The following SSPN variants were observed in gnomAD, a reference collection of about 807,000 sequenced individuals.
SSPN encodes the protein sarcospan, also known as K-ras oncogene-associated protein.
Under a neutral mutation model 19.1 loss-of-function variants are expected in SSPN, and 15 were observed. That is an observed-to-expected ratio of 0.78 (90% confidence interval 0.52 to 1.21). SSPN has a LOEUF of 1.21. Ranked by LOEUF, SSPN falls within the 50% of genes most tolerant of loss-of-function variation. SSPN has a pLI of 0.00. For missense variants in SSPN, 291 were observed against 314.0 expected (o/e 0.93, Z 0.55); for synonymous variants, 147 against 140.3 (o/e 1.05, Z -0.34).
At chr12:26,132,728 T>C (rs1944403689) in intron 1 of SSPN, among the ~76,000 whole-genome samples, 1 of 152,246 alleles carries the variant, frequency 6.6e-6, no homozygotes, top group African/African-American at 2.4e-5. Flanking sequence ...TGTTCGGCTC[T>C]CCACCCTCCC....
chr12:26,170,927 T>C (rs1944650255), intron 1 of SSPN, among the ~76,000 whole-genome samples: 1 of 152,222 alleles, frequency 6.6e-6, no homozygotes, highest in Non-Finnish European at 1.5e-5. Context: ...AATTATCACA[T>C]TTCACCATCA....
intron 1 of SSPN, among the ~76,000 whole-genome samples, chr12:26,141,331 G>A (rs1345680780): frequency 2.6e-5 from 4 of 152,260 alleles, no homozygotes; most frequent in East Asian, 3.9e-4. Context: ...ACGGGAAAAC[G>A]TAAGGAAATG....
chr12:26,212,725 A>G (rs139163808), intron 1 of SSPN, among the ~76,000 whole-genome samples: 3 of 152,300 alleles, frequency 2.0e-5, no homozygotes, highest in Admixed American at 1.3e-4. Context: ...AAAATCTTCC[A>G]GATATATCAT....
In SSPN at chr12:26,141,391, G is replaced by C. The variant is rs1357151120; in HGVS notation, c.-31+19239G>C. Among the ~76,000 whole-genome samples, 3 of 152,144 alleles carry C rather than the reference G, an allele frequency of 2.0e-5. No individual in the cohort carries two copies. The East Asian group carries it at 5.8e-4, about 29-fold the overall frequency. On this transcript the variant is annotated intron_variant, in intron 1 of 2. Transcript: ENST00000538142. ...AGGAGTGCTCCCTTGCAAACATCTT[G>C]AGTTTAGCCCAATGAGAACCATGAA...
chr12:26,211,484 A>G (rs1025840057), intron 1 of SSPN: 1 of 152,184 alleles, frequency 6.6e-6, no homozygotes, highest in African/African-American at 2.4e-5. Context: ...GAACTTTTGA[A>G]TTGTAGTCAC....
chr12:26,212,734 A>G (rs1945003366), intron 1 of SSPN, among the ~76,000 whole-genome samples: 1 of 152,198 alleles, frequency 6.6e-6, no homozygotes, highest in Non-Finnish European at 1.5e-5. Context: ...CAGATATATC[A>G]TAGGCCAAAT....
At chr12:26,201,226 A>G (rs888680135) in intron 1 of SSPN, among the ~76,000 whole-genome samples, 1 of 150,848 alleles carries the variant, frequency 6.6e-6, no homozygotes, top group Non-Finnish European at 1.5e-5. Flanking sequence ...AAAATACAAA[A>G]ATTTAGCTGG....
At chr12:26,186,941 C>G (rs1252741938) in intron 1 of SSPN, among the ~76,000 whole-genome samples, 2 of 152,202 alleles carry the variant, frequency 1.3e-5, no homozygotes, top group Non-Finnish European at 2.9e-5. Flanking sequence ...TTTCTTCCCC[C>G]TTCCCCACTC....
intron 1 of SSPN, among the ~76,000 whole-genome samples, chr12:26,174,591 G>T (rs1221272100): frequency 6.6e-6 from 1 of 151,074 alleles, no homozygotes; most frequent in African/African-American, 2.4e-5. Flanking sequence ...CAAAATCCCA[G>T]CTCGCTGCAA....
intron 1 of SSPN, chr12:26,211,293 T>C (rs1944983585): frequency 6.6e-6 from 1 of 152,188 alleles, no homozygotes; most frequent in African/African-American, 2.4e-5. Flanking sequence ...ATTTGTGTTA[T>C]AATATGAAAA....
intron 1 of SSPN, chr12:26,123,003 G>T: frequency 1.9e-6 from 3 of 1,568,018 alleles, no homozygotes; most frequent in Non-Finnish European, 2.6e-6. Context: ...CAAGAACTGG[G>T]TGGCCACGGC....
chr12:26,195,371 T>C (rs58747679), upstream of SSPN: 84,882 of 325,998 alleles, frequency 0.26, 12,094 homozygotes, highest in South Asian at 0.36. Flanking sequence ...CTGTCTGAAG[T>C]GCAGAGGTTC....
chr12:26,122,635 C>A, intron 1 of SSPN: 8 of 1,282,036 alleles, frequency 6.2e-6, no homozygotes, highest in Non-Finnish European at 7.9e-6. Context: ...GCGCCGCCCC[C>A]CGGGCCGCCG....
rs1346874584 is a variant in SSPN at position 26,234,195 on chromosome 12, G to C, written c.*3119G>C. 6.6e-6 allele frequency: 1 copy of C among 152,116 alleles called. No individual in the cohort carries two copies. The highest frequency in any genetic ancestry group is 2.4e-5 in the African/African-American group (1 of 41,418). The allele number at this position is 152,116 out of a possible 1,614,324, so 9.4% of individuals were successfully genotyped here. On this transcript the variant is annotated 3_prime_UTR_variant, in exon 3 of 3. Coordinates refer to ENST00000242729, the MANE Select transcript of SSPN (RefSeq NM_005086.5). ...TCCCTTTTTGCATGCAGTATGTCTG[G>C]AATATGTTTATAAAATTTTAGCAAG...
chr12:26,122,041 C>T lies in SSPN; in HGVS notation c.-142C>T, dbSNP rs1442507549. The T allele has an allele frequency of 8.4e-6, 13 of 1,548,816 alleles. No individual in the cohort carries two copies. The South Asian group carries it at 1.4e-4, about 17-fold the overall frequency. ...ATTTTAACTTCTCACTCTGCTTGAA[C>T]CTCCGTCCTTCGGGACGCAAGGATT... On this transcript the variant is annotated 5_prime_UTR_variant, in exon 1 of 3. Coordinates refer to the SSPN transcript ENST00000538142.
Position 26,231,629 on chromosome 12 carries a change from G to C in SSPN, c.*553G>C, listed in dbSNP as rs1229630020. Reference sequence around the variant, plus strand: ...TAAAGAGCAGAGTAGAAACGGAAGAGGCTTTGCAAAAGGCTAGATAACTAA... The same window carrying C: ...TAAAGAGCAGAGTAGAAACGGAAGACGCTTTGCAAAAGGCTAGATAACTAA... On this transcript the variant is annotated 3_prime_UTR_variant, in exon 3 of 3. Transcript: ENST00000242729. 1.3e-5 allele frequency: 2 copies of C among 152,572 alleles called. No individual in the cohort carries two copies. Among genetic ancestry groups the C allele is most frequent in the Non-Finnish European group, 2.9e-5 (2 of 68,376 alleles). 9.5% of individuals were successfully genotyped at this position (152,572 alleles called of 1,614,324 possible). A position where few individuals can be genotyped will look rare whatever the true frequency, so the allele number is the denominator to read the frequency against.
rs191469398 is a variant in SSPN, at chr12:26,234,764, A to G, written c.*3688A>G. The G allele has an allele frequency of 2.1e-4, 32 of 152,352 alleles. 1 individual carries two copies. Among genetic ancestry groups the G allele is most frequent in the Non-Finnish European group, 3.4e-4 (23 of 68,022 alleles). 9.4% of individuals were successfully genotyped at this position (152,352 alleles called of 1,614,324 possible). On this transcript the variant is annotated 3_prime_UTR_variant, in exon 3 of 3. Transcript: ENST00000242729. Reference sequence around the variant, plus strand: ...GATTTTCTTTATTAATAAAATTTTCATAATCTCTGAAAACACTGTTTGGAC... The same window carrying G: ...GATTTTCTTTATTAATAAAATTTTCGTAATCTCTGAAAACACTGTTTGGAC...
intron 1 of SSPN, among the ~76,000 whole-genome samples, chr12:26,201,021 A>G (rs1383464625): frequency 2.3e-5 from 1 of 43,772 alleles, no homozygotes; most frequent in African/African-American, 1.4e-4. Context: ...GTATATATAT[A>G]TATATATATA....
intron 1 of SSPN, among the ~76,000 whole-genome samples, chr12:26,148,994 GTT>G (rs1944509363): frequency 1.3e-5 from 2 of 152,086 alleles, no homozygotes; most frequent in South Asian, 4.2e-4. Context: ...CATTATTCCT[GTT>G]TAAGGTTTTC....
Sources: gnomAD v4.1 joint callset for allele counts (sites outside exome capture counted in the v4.1 genomes callset) on GRCh38, gnomAD v4.1.1 for gene constraint, MANE v1.5 for transcripts, NCBI Gene and HGNC (gene_info 2026-07-23, HGNC 2026-07-21) for gene names.